Variants in FBXO22 observed in about 807,000 individuals in gnomAD.
The protein encoded by FBXO22 is F-box protein 22.
FBXO22 carries 13 observed loss-of-function variants against 37.2 expected under a neutral mutation model. That is an observed-to-expected ratio of 0.35 (90% CI 0.23 to 0.56). The LOEUF (loss-of-function observed/expected upper bound fraction) is 0.56, where lower values mean the gene tolerates loss of function less well. Among genes scored for constraint, FBXO22 ranks in the 20% least tolerant of loss-of-function variants. The pLI is 0.87. For missense variants in FBXO22, 446 were observed against 509.9 expected, an observed-to-expected ratio of 0.87 and a Z score of 1.21; for synonymous variants, 189 against 189.1, an observed-to-expected ratio of 1.00 and a Z score of 0.00.
chr15:75,913,320 T>G, intron 3 of FBXO22, 30 bp downstream of exon 3: 1 of 1,466,608 alleles, frequency 6.8e-7, no homozygotes, highest in South Asian at 1.1e-5. Context: ...CTTTTGCTTC[T>G]GTTTTTTTAT....
In FBXO22 at chr15:75,933,034, A is replaced by G; in HGVS notation, c.1144A>G (p.Lys382Glu). The G allele has an allele frequency of 1.9e-6, 3 of 1,614,212 alleles. No individual in the cohort carries two copies. Among genetic ancestry groups the G allele is most frequent in the Non-Finnish European group, 2.5e-6 (3 of 1,180,026 alleles). ...NFILRKCNEV[K>E]DDDLFHSYTT... ...TATATTGAGGAAATGTAATGAGGTAAAAGATGATGATCTGTTTCATAGCTA... is the reference window on the plus strand; with the variant it reads ...TATATTGAGGAAATGTAATGAGGTAGAAGATGATGATCTGTTTCATAGCTA... The change falls in exon 7 of 7, where the codon AAA (lysine) becomes GAA (glutamate). Residue 382 changes from lysine to glutamate, a missense_variant. Physicochemically the swap from Lys to Glu is moderately conservative, Grantham distance 56. Coordinates refer to ENST00000308275, the MANE Select transcript of FBXO22 (RefSeq NM_147188.3).
At chr15:75,927,098 C>G (rs908099764) in intron 5 of FBXO22, among the ~76,000 whole-genome samples, 1 of 152,132 alleles carries the variant, frequency 6.6e-6, no homozygotes. Flanking sequence ...AGCCTTTTGC[C>G]TTTCCTGGTC....
Position 75,933,164 on chromosome 15 carries a change from C to G in FBXO22, c.*62C>G, listed in dbSNP as rs924716927. On this transcript the variant is annotated 3_prime_UTR_variant, in exon 7 of 7. Transcript: ENST00000308275. ...TTCTGCCTTTTTCAGAAAATGGAAA[C>G]TTGGGCCATGTGTATTTCAAACAAA... 3 of 1,398,360 alleles carry G rather than the reference C, an allele frequency of 2.1e-6. No individual in the cohort carries two copies. Among genetic ancestry groups the G allele is most frequent in the Non-Finnish European group, 2.9e-6 (3 of 1,027,998 alleles). The allele number at this position is 1,398,360 out of a possible 1,614,324, so 86.6% of individuals were successfully genotyped here.
intron 1 of FBXO22, 186 bp downstream of exon 1, chr15:75,904,289 T>A (rs1899869026): frequency 1.8e-6 from 2 of 1,097,700 alleles, no homozygotes; most frequent in East Asian, 5.3e-5. Context: ...GGGACTTCCC[T>A]GAGGGGCGAA....
At position 75,904,949 on chromosome 15, in the gene FBXO22, G is replaced by A. The variant is rs1899893778; in HGVS notation, c.279+320G>A. ...CGCCATTCTCCTGCCTCAGCCTCCC[G>A]AGTAGCTGGGACTACAGGCGCCCGC... On this transcript the variant is annotated intron_variant, in intron 2 of 6. Coordinates refer to ENST00000308275, the MANE Select transcript of FBXO22 (RefSeq NM_147188.3). Among the ~76,000 whole-genome samples, 4 of 150,214 alleles carry A rather than the reference G, an allele frequency of 2.7e-5. No individual in the cohort carries two copies. The South Asian group carries it at 8.5e-4, about 32-fold the overall frequency.
chr15:75,938,809 T>C lies in FBXO22; in HGVS notation c.*5707T>C, dbSNP rs2030643270. On this transcript the variant is annotated 3_prime_UTR_variant, in exon 7 of 7. Coordinates refer to ENST00000308275, the MANE Select transcript of FBXO22 (RefSeq NM_147188.3). ...TTTTTGAACCACAACAGGATGTAGT[T>C]AGAAATCAGTAACAAAAGGAAAATT... 1 of 152,116 alleles carries C rather than the reference T, an allele frequency of 6.6e-6. No individual in the cohort carries two copies. Among genetic ancestry groups the C allele is most frequent in the African/African-American group, 2.4e-5 (1 of 41,424 alleles). The allele number at this position is 152,116 out of a possible 1,614,324, so 9.4% of individuals were successfully genotyped here.
At chr15:75,927,144 G>GTT (rs1272919448) in intron 5 of FBXO22, among the ~76,000 whole-genome samples, 1 of 152,216 alleles carries the variant, frequency 6.6e-6, no homozygotes, top group Non-Finnish European at 1.5e-5. Flanking sequence ...TCTGGCTAAT[G>GTT]TATAATGCTC....
chr15:75,935,319 G>T lies in FBXO22; in HGVS notation c.*2217G>T, dbSNP rs990516353. ...TGTAGTCCTCTGTGAAACTGAAAATGATCACATGAAAAAAATGTGAGCATA... is the reference window on the plus strand; with the variant it reads ...TGTAGTCCTCTGTGAAACTGAAAATTATCACATGAAAAAAATGTGAGCATA... On this transcript the variant is annotated 3_prime_UTR_variant, in exon 7 of 7. Coordinates refer to ENST00000308275, the MANE Select transcript of FBXO22 (RefSeq NM_147188.3). 1 of 152,054 alleles carries T rather than the reference G, an allele frequency of 6.6e-6. No homozygotes were observed. The highest frequency in any genetic ancestry group is 2.4e-5 in the African/African-American group (1 of 41,400). 9.4% of individuals were successfully genotyped at this position (152,054 alleles called of 1,614,324 possible). A position where few individuals can be genotyped will look rare whatever the true frequency, so the allele number is the denominator to read the frequency against.
rs1284286757 is a variant in FBXO22, at chr15:75,935,807, A to C, written c.*2705A>C. The C allele has an allele frequency of 6.6e-6, 1 of 151,810 alleles. No homozygotes were observed. Among genetic ancestry groups the C allele is most frequent in the African/African-American group, 2.4e-5 (1 of 41,324 alleles). The allele number at this position is 151,810 out of a possible 1,614,324, so 9.4% of individuals were successfully genotyped here. A position where few individuals can be genotyped will look rare whatever the true frequency, so the allele number is the denominator to read the frequency against. On this transcript the variant is annotated 3_prime_UTR_variant, in exon 7 of 7. Coordinates refer to ENST00000308275, the MANE Select transcript of FBXO22 (RefSeq NM_147188.3). Reference sequence around the variant, plus strand: ...AATCTGAGAACTTTCTTTTTTTTTGAGACGGAGTCCCGCTCTTTAGCCCAG... The same window carrying C: ...AATCTGAGAACTTTCTTTTTTTTTGCGACGGAGTCCCGCTCTTTAGCCCAG...
chr15:75,906,958 A>G (rs559450750), intron 2 of FBXO22, among the ~76,000 whole-genome samples: 1 of 152,364 alleles, frequency 6.6e-6, no homozygotes, highest in South Asian at 2.1e-4. Context: ...ACAGATTATG[A>G]AATTATATAT....
rs573600600 is a variant in FBXO22, at chr15:75,927,932, C to A, written c.629-1952C>A. The stretch of plus-strand genomic sequence containing the variant: ...TGTGTTAGGTATTAGATTCATTTTC[C>A]TGTCCCCAAAGCACCCGTTTGGTAA... On this transcript the variant is annotated intron_variant, in intron 5 of 6. Coordinates refer to ENST00000308275, the MANE Select transcript of FBXO22 (RefSeq NM_147188.3). Among the ~76,000 whole-genome samples the A allele has an allele frequency of 4.6e-5, 7 of 152,242 alleles. No homozygotes were observed. The South Asian group carries it at 1.5e-3, about 32-fold the overall frequency.
chr15:75,924,637 C>G (rs1192678517), intron 5 of FBXO22, among the ~76,000 whole-genome samples: 1 of 152,160 alleles, frequency 6.6e-6, no homozygotes, highest in Non-Finnish European at 1.5e-5. Flanking sequence ...TCTAAACCTT[C>G]ATGTAATCCA....
intron 6 of FBXO22, chr15:75,930,675 TC>T (rs1264756423): frequency 1.0e-6 from 1 of 985,370 alleles, no homozygotes; most frequent in East Asian, 1.1e-4. Context: ...AGCCATTACT[TC>T]CTTTCCATCT....
At chr15:75,920,824 A>AAAAT (rs962066506) in intron 5 of FBXO22, among the ~76,000 whole-genome samples, 1 of 152,302 alleles carries the variant, frequency 6.6e-6, no homozygotes, top group East Asian at 1.9e-4. Flanking sequence ...CCCTGTCTCA[A>AAAAT]AAATAAATAA....
At chr15:75,915,790 C>T (rs191188152) in intron 4 of FBXO22, among the ~76,000 whole-genome samples, 10 of 151,830 alleles carry the variant, frequency 6.6e-5, no homozygotes, top group Non-Finnish European at 1.3e-4. Flanking sequence ...ATCCCAGCTG[C>T]TCAGGAGGCT....
intron 5 of FBXO22, among the ~76,000 whole-genome samples, chr15:75,928,751 A>G (rs866630629): frequency 2.0e-5 from 3 of 152,274 alleles, no homozygotes; most frequent in South Asian, 4.1e-4. Flanking sequence ...TCAAATTGAT[A>G]GTCTATAAAC....
At chr15:75,925,084 G>T (rs1379100062) in intron 5 of FBXO22, among the ~76,000 whole-genome samples, 1 of 152,142 alleles carries the variant, frequency 6.6e-6, no homozygotes. Flanking sequence ...GAGAGGATTG[G>T]AAGTGTCCTG....
At chr15:75,914,902 A>G (rs1435468666) in intron 4 of FBXO22, among the ~76,000 whole-genome samples, 1 of 152,246 alleles carries the variant, frequency 6.6e-6, no homozygotes, top group Non-Finnish European at 1.5e-5. Flanking sequence ...TGAGAATTAA[A>G]TGAGTTAACA....
At chr15:75,916,039 A>G (rs893366255) in intron 4 of FBXO22, among the ~76,000 whole-genome samples, 2 of 138,116 alleles carry the variant, frequency 1.4e-5, no homozygotes. Context: ...TGGGTGACAG[A>G]GTAAGACTCT....
Sources: allele counts gnomAD v4.1 joint callset (sites outside exome capture counted in the v4.1 genomes callset), GRCh38; gene constraint gnomAD v4.1.1; transcripts MANE v1.5; gene names NCBI Gene and HGNC (gene_info 2026-07-23, HGNC 2026-07-21).